The following MCM7 variants were observed in gnomAD, a reference collection of about 807,000 sequenced individuals.
The protein encoded by MCM7 is DNA replication licensing factor MCM7.
MCM7 carries 95 observed loss-of-function variants against 83.5 expected under a neutral mutation model. The observed-to-expected ratio is 1.14, with a 90% confidence interval of 0.96 to 1.35. The LOEUF (loss-of-function observed/expected upper bound fraction) is 1.35, where lower values mean the gene tolerates loss of function less well. Ranked by LOEUF, MCM7 falls within the 40% of genes most tolerant of loss-of-function variation. The pLI, the probability that MCM7 is intolerant of heterozygous loss-of-function variation, is 0.00. For synonymous variants in MCM7, 461 were observed against 352.7 expected (o/e 1.31, Z -3.44); for missense variants, 1,087 against 957.4 (o/e 1.14, Z -1.79).
Position 100,094,124 on chromosome 7 carries a change from C to G in MCM7, c.1848+49G>C, listed in dbSNP as rs2307351. The G allele has an allele frequency of 1.7e-4, 269 of 1,610,238 alleles. No homozygotes were observed. In the African/African-American group the frequency reaches 3.3e-3, roughly 20 times the overall value. ...GCAATGAGAGCACGGTAAGGAGCTA[C>G]CCCTTTAAGGGTCAAAACAGATGGC... On this transcript the variant is annotated intron_variant, in intron 13 of 14. Coordinates refer to ENST00000303887, the MANE Select transcript of MCM7 (RefSeq NM_005916.5).
chr7:100,098,311 T>C, intron 6 of MCM7, 21 bp from the exon 7 acceptor site: 2 of 1,612,988 alleles, frequency 1.2e-6, no homozygotes, highest in Non-Finnish European at 8.5e-7. Context: ...GAAAGGCACA[T>C]AAGACTAGGA....
At position 100,093,057 on chromosome 7, in the gene MCM7, C is replaced by T. The variant is rs1360767264; in HGVS notation, c.2035G>A (p.Glu679Lys). The change falls in exon 15 of 15, where the codon GAG becomes AAG. Residue 679 changes from glutamate to lysine, a missense_variant. Transcript: ENST00000303887. ...VSGGRSVRFS[E>K]AEQRCVSRGF... Reference sequence around the variant, plus strand: ...CGAGATACACAGCGCTGCTCTGCCTCAGAGAACCGGACACTTCGGCCCCCT... The same window carrying T: ...CGAGATACACAGCGCTGCTCTGCCTTAGAGAACCGGACACTTCGGCCCCCT... 3 of 1,614,138 alleles carry T rather than the reference C, an allele frequency of 1.9e-6. No individual in the cohort carries two copies. Among genetic ancestry groups the T allele is most frequent in the Admixed American group, 1.7e-5 (1 of 60,010 alleles).
Position 100,097,292 on chromosome 7 carries a change from A to C in MCM7, c.1201+9T>G, listed in dbSNP as rs761948605. The C allele has an allele frequency of 6.2e-7, 1 of 1,613,598 alleles. No homozygotes were observed. The highest frequency in any genetic ancestry group is 1.3e-5 in the African/African-American group (1 of 74,868). ...CTATATTCACCTCCCGCAAAGCCCA[A>C]CTACTTACTGCGAGGCGCCAGTCGA... On this transcript the variant is annotated intron_variant, in intron 10 of 14. Coordinates refer to ENST00000303887, the MANE Select transcript of MCM7 (RefSeq NM_005916.5).
At chr7:100,100,373 C>T in intron 1 of MCM7, 3 of 1,100,354 alleles carry the variant, frequency 2.7e-6, no homozygotes, top group South Asian at 5.0e-5. Context: ...CCCGTTGGCC[C>T]CTCACACTCC....
chr7:100,098,276 A>T lies in MCM7; in HGVS notation c.735T>A (p.Pro245=), dbSNP rs1193800641. 6.2e-7 allele frequency: 1 copy of T among 1,614,146 alleles called. No individual in the cohort carries two copies. The highest frequency in any genetic ancestry group is 1.3e-5 in the African/African-American group (1 of 75,016). Residue 245 remains proline, a synonymous_variant, in exon 7 of 15, where the codon CCT becomes CCA. Transcript: ENST00000303887. ...MKMQEHSDQV[P]VGNIPRSITV... Reference sequence around the variant, plus strand: ...TGATACTACGAGGGATATTTCCCACAGGCACCTGATCACTCTAGGGGAGGG... The same window carrying T: ...TGATACTACGAGGGATATTTCCCACTGGCACCTGATCACTCTAGGGGAGGG...
rs557460007 is a variant in MCM7 at position 100,094,354 on chromosome 7, G to A, written c.1680-13C>T. The stretch of plus-strand genomic sequence containing the variant: ...GGCTATGTAACGCCTGTGGGGGAAG[G>A]TTCATGGGGAAGCAGAAGAGGGAGA... On this transcript the variant is annotated splice_polypyrimidine_tract_variant and intron_variant, in intron 12 of 14. Transcript: ENST00000303887. The A allele has an allele frequency of 6.2e-6, 10 of 1,613,666 alleles. No individual in the cohort carries two copies. The East Asian group carries it at 1.8e-4, about 29-fold the overall frequency.
chr7:100,097,134 T>A (rs911242938), intron 10 of MCM7, among the ~76,000 whole-genome samples, 167 bp downstream of exon 10: 1 of 152,130 alleles, frequency 6.6e-6, no homozygotes. Context: ...AACTTTTTAG[T>A]AGACATGGAA....
At chr7:100,097,777 G>C (rs769423081) in intron 8 of MCM7, 32 bp from the exon 9 acceptor site, 33 of 1,613,808 alleles carry the variant, frequency 2.0e-5, no homozygotes, top group Non-Finnish European at 2.7e-5. Context: ...TTTATTTTCT[G>C]GGGGAAAAGG....
chr7:100,097,228 C>T, intron 10 of MCM7, 73 bp downstream of exon 10: 1 of 1,346,338 alleles, frequency 7.4e-7, no homozygotes, highest in South Asian at 1.2e-5. Context: ...CAAACATGCA[C>T]CCCTACTTTT....
rs756947448 is a variant in MCM7 at position 100,101,324 on chromosome 7, G to A, written c.-30C>T. On this transcript the variant is annotated 5_prime_UTR_variant, in exon 1 of 15. Transcript: ENST00000303887. The stretch of plus-strand genomic sequence containing the variant: ...GCCGAGGGCCGTGCGGCCGCGCTTG[G>A]CGGGCTCAGAGGTCTTGCTCCTGGG... The A allele has an allele frequency of 3.7e-6, 6 of 1,612,916 alleles. No homozygotes were observed. The highest frequency in any genetic ancestry group is 5.1e-6 in the Non-Finnish European group (6 of 1,179,844).
chr7:100,100,847 G>T (rs911044094), intron 1 of MCM7: 1 of 1,017,158 alleles, frequency 9.8e-7, no homozygotes, highest in African/African-American at 1.7e-5. Context: ...CAGCGGCCCC[G>T]GCCTGCCCGC....
rs1186659451 is a variant in MCM7 at position 100,097,651 on chromosome 7, C to G, written c.1080G>C (p.Gly360=). 1.9e-6 allele frequency: 3 copies of G among 1,614,190 alleles called. No individual in the cohort carries two copies. Among genetic ancestry groups the G allele is most frequent in the Non-Finnish European group, 2.5e-6 (3 of 1,180,044 alleles). ...VKKALLLLLV[G]GVDQSPRGMK... ...TGCCTCGAGGAGACTGGTCCACACCCCCGACTAGCAGGAGCAGCAGTGCCT... is the reference window on the plus strand; with the variant it reads ...TGCCTCGAGGAGACTGGTCCACACCGCCGACTAGCAGGAGCAGCAGTGCCT... Residue 360 remains glycine (G), a synonymous_variant, in exon 9 of 15, where the codon GGG becomes GGC. Transcript: ENST00000303887.
intron 13 of MCM7, 42 bp from the exon 14 acceptor site, chr7:100,093,443 G>GCAGTGGAACGAGGT (rs764195384): frequency 6.4e-7 from 1 of 1,569,198 alleles, no homozygotes; most frequent in Admixed American, 1.7e-5. Flanking sequence ...CGGGAGGAGG[G>GCAGTGGAACGAGGT]CAGTGGAACG....
chr7:100,101,113 G>T, intron 1 of MCM7, 151 bp downstream of exon 1: 2 of 957,308 alleles, frequency 2.1e-6, no homozygotes, highest in South Asian at 2.9e-5. Flanking sequence ...GGCCCCGTGG[G>T]CCTTAGCCAG....
At position 100,094,155 on chromosome 7, in the gene MCM7, A is replaced by G. The variant is rs777766707; in HGVS notation, c.1848+18T>C. The G allele has an allele frequency of 6.2e-7, 1 of 1,614,128 alleles. No homozygotes were observed. The highest frequency in any genetic ancestry group is 1.1e-5 in the South Asian group (1 of 91,086). ...TAAGGGTCAAAACAGATGGCCCTCCAGCAATTTGGGCACTTACCAGAGCAG... is the reference window on the plus strand; with the variant it reads ...TAAGGGTCAAAACAGATGGCCCTCCGGCAATTTGGGCACTTACCAGAGCAG... On this transcript the variant is annotated intron_variant, in intron 13 of 14. Coordinates refer to ENST00000303887, the MANE Select transcript of MCM7 (RefSeq NM_005916.5).
At chr7:100,100,124 C>CA (rs1319070472) in intron 1 of MCM7, 31 bp from the exon 2 acceptor site, 2 of 1,611,424 alleles carry the variant, frequency 1.2e-6, no homozygotes, top group African/African-American at 2.7e-5. Flanking sequence ...CCGTAAGACA[C>CA]AAACTTTAAG....
intron 4 of MCM7, 24 bp downstream of exon 4, chr7:100,099,255 T>G: frequency 6.2e-7 from 1 of 1,614,062 alleles, no homozygotes; most frequent in East Asian, 2.2e-5. Context: ...AATCCCTACA[T>G]CTTTCCCGAC....
intron 10 of MCM7, 61 bp downstream of exon 10, chr7:100,097,240 G>A (rs1164904942): frequency 2.7e-6 from 4 of 1,468,812 alleles, no homozygotes; most frequent in Non-Finnish European, 3.8e-6. Context: ...CCTACTTTTT[G>A]AATAAACACT....
intron 10 of MCM7, 67 bp from the exon 11 acceptor site, chr7:100,096,234 A>T (rs1795629897): frequency 6.8e-7 from 1 of 1,477,972 alleles, no homozygotes; most frequent in African/African-American, 1.4e-5. Flanking sequence ...AAAAGACAAC[A>T]AACGGGCCAG....
Sources: allele counts gnomAD v4.1 joint callset (sites outside exome capture counted in the v4.1 genomes callset), GRCh38; gene constraint gnomAD v4.1.1; transcripts MANE v1.5; gene names NCBI Gene and HGNC (gene_info 2026-07-23, HGNC 2026-07-21).